AMOT: variants seen among roughly 807,000 people sequenced by gnomAD.
AMOT encodes the protein angiomotin.
AMOT carries 11 observed loss-of-function variants against 67.0 expected under a neutral mutation model. The ratio of observed to expected loss-of-function variants is 0.16; its 90% CI spans 0.10 to 0.27. AMOT has a LOEUF of 0.27. AMOT is among the 10% of genes least tolerant of loss of function. The pLI is 1.00. For synonymous variants in AMOT, 326 were observed against 321.4 expected (o/e 1.01, Z -0.15); for missense variants, 753 against 852.0 (o/e 0.88, Z 1.45).
Position 112,822,689 on chromosome X carries a change from G to A in AMOT, c.438C>T (p.Arg146=). The change falls in exon 4 of 14, where the codon CGC becomes CGT. Residue 146 remains arginine, a synonymous_variant. Transcript: ENST00000371959. Reference sequence around the variant, plus strand: ...CAGGATTGAGCCGCTGAACTGATGGGCGTCCCTCAGTCCTCATCTTCTGGT... The same window carrying A: ...CAGGATTGAGCCGCTGAACTGATGGACGTCCCTCAGTCCTCATCTTCTGGT... ...VTNQKMRTEG[R]PSVQRLNPGK... is the part of the protein sequence containing the mutation. The A allele has an allele frequency of 3.4e-6, 4 of 1,165,988 alleles. No individual in the cohort carries two copies. The highest frequency in any genetic ancestry group is 4.6e-6 in the Non-Finnish European group (4 of 872,700).
In AMOT at chrX:112,806,358, C is replaced by CGTGT. The variant is rs201848560; in HGVS notation, c.1631-1270_1631-1267dup. Among the ~76,000 whole-genome samples, 666 of 97,019 alleles carry CGTGT rather than the reference C, an allele frequency of 6.9e-3. 4 individuals are homozygous for CGTGT. Among genetic ancestry groups the CGTGT allele is most frequent in the African/African-American group, 0.026 (642 of 24,960 alleles). 84.2% of individuals were successfully genotyped at this position (97,019 alleles called of 115,157 possible). On this transcript the variant is annotated intron_variant, in intron 7 of 13. Coordinates refer to ENST00000371959, the MANE Select transcript of AMOT (RefSeq NM_001113490.2). ...TATGTATATATACATATGTATAAAA[C>CGTGT]GTGTGTGTATATATATATATATATA... is the stretch of plus-strand genomic sequence containing the variant.
At chrX:112,782,443 G>A in intron 11 of AMOT, 97 bp downstream of exon 11, 4 of 1,111,952 alleles carry the variant, frequency 3.6e-6, no homozygotes, top group Non-Finnish European at 3.7e-6. Context: ...GTGGAGCGGG[G>A]AGGCTGCATG....
intron 4 of AMOT, 136 bp downstream of exon 4, chrX:112,822,119 C>G (rs772887322): frequency 6.3e-5 from 52 of 824,784 alleles, no homozygotes; most frequent in African/African-American, 2.3e-4. Flanking sequence ...AGGCAATTCA[C>G]GAAGCCAGAG....
chrX:112,814,020 C>T (rs1485158080), intron 5 of AMOT, among the ~76,000 whole-genome samples: 3 of 111,844 alleles, frequency 2.7e-5, no homozygotes, highest in African/African-American at 9.8e-5. Flanking sequence ...CGCCTATAAT[C>T]CCAGCACTTT....
intron 12 of AMOT, chrX:112,780,614 A>T: frequency 5.2e-6 from 2 of 381,142 alleles, no homozygotes; most frequent in South Asian, 1.4e-4. Context: ...TTTAGAGGAA[A>T]TTAGAGTTAT....
At chrX:112,816,073 T>C (rs374107012) in intron 4 of AMOT, among the ~76,000 whole-genome samples, 196 bp from the exon 5 acceptor site, 12 of 110,868 alleles carry the variant, frequency 1.1e-4, no homozygotes, top group African/African-American at 3.9e-4. Flanking sequence ...TTTTCCAGCC[T>C]GACCTTCTGT....
chrX:112,788,085 C>G (rs192326824), intron 10 of AMOT, among the ~76,000 whole-genome samples: 34 of 110,382 alleles, frequency 3.1e-4, no homozygotes, highest in African/African-American at 1.1e-3. Context: ...GTCAGGAGAT[C>G]AAGACCATCC....
At chrX:112,824,424 C>T (rs73636631) in intron 3 of AMOT, among the ~76,000 whole-genome samples, 4,550 of 111,869 alleles carry the variant, frequency 0.041, 226 homozygotes, top group African/African-American at 0.14. Flanking sequence ...GGATCCCTGG[C>T]TCCCAGGCTC....
chrX:112,800,327 T>C (rs1391440101), intron 8 of AMOT, among the ~76,000 whole-genome samples: 1 of 111,874 alleles, frequency 8.9e-6, no homozygotes, highest in East Asian at 2.8e-4. Flanking sequence ...GAGATAAATA[T>C]GGAGAATGTC....
chrX:112,832,994 C>T (rs1199412099), intron 1 of AMOT, among the ~76,000 whole-genome samples: 1 of 112,046 alleles, frequency 8.9e-6, no homozygotes, highest in Non-Finnish European at 1.9e-5. Context: ...GCCTGAGGTG[C>T]CACTGCAGAA....
intron 4 of AMOT, among the ~76,000 whole-genome samples, chrX:112,820,832 G>A (rs747492586): frequency 1.8e-5 from 2 of 110,786 alleles, no homozygotes; most frequent in East Asian, 5.7e-4. Context: ...TTTTAAACCT[G>A]AGTAGCCTTG....
In AMOT at chrX:112,782,597, T is replaced by C. The variant is rs1199676033; in HGVS notation, c.2183A>G (p.Gln728Arg). 8.3e-7 allele frequency: 1 copy of C among 1,211,789 alleles called. No homozygotes were observed. The highest frequency in any genetic ancestry group is 3.0e-5 in the East Asian group (1 of 33,837). Residue 728 changes from glutamine (Q) to arginine (R), a missense_variant, in exon 11 of 14, where the codon CAG becomes CGG. By Grantham distance (43) the Gln-to-Arg change is conservative. Transcript: ENST00000371959. ...SYDTALEARI[Q>R]KEEEEILMAN... ...CATCAAGATTTCTTCCTCCTCTTTC[T>C]GGATGCGAGCTTCTAGAGCTGTGTC...
chrX:112,817,097 G>A (rs1464453664), intron 4 of AMOT, among the ~76,000 whole-genome samples: 1 of 111,780 alleles, frequency 8.9e-6, no homozygotes, highest in African/African-American at 3.3e-5. Context: ...TTCTACAGTT[G>A]ATATTTCTCA....
chrX:112,815,593 T>G lies in AMOT; in HGVS notation c.1157A>C (p.His386Pro). 8.3e-7 allele frequency: 1 copy of G among 1,209,513 alleles called. No homozygotes were observed. Among genetic ancestry groups the G allele is most frequent in the Non-Finnish European group, 1.1e-6 (1 of 894,301 alleles). The change falls in exon 5 of 14, where the codon CAT (histidine) becomes CCT (proline). Residue 386 changes from histidine (H) to proline (P), a missense_variant. By Grantham distance (77) the His-to-Pro change is moderately conservative. This residue lies in a region of AMOT where 297 missense variants were observed against 284.3 expected (regional missense o/e 1.04). Coordinates refer to ENST00000371959, the MANE Select transcript of AMOT (RefSeq NM_001113490.2). Reference sequence around the variant, plus strand: ...CTGTTGTTGGTGGTGATGGTGATGATGGTGCTGCTGCTGCTGTTGCTGCTG... The same window carrying G: ...CTGTTGTTGGTGGTGATGGTGATGAGGGTGCTGCTGCTGCTGTTGCTGCTG... ...QQQQQQQQQHHHHHHHQQQQQ... is the reference protein window; with the variant it reads ...QQQQQQQQQHPHHHHHQQQQQ...
At position 112,805,039 on chromosome X, in the gene AMOT, G is replaced by A. The variant is rs758084009; in HGVS notation, c.1684C>T (p.Arg562Cys). ...EKLEAELATA[R>C]STNEDQRRHI... ...CGTCTTTGGTCCTCATTGGTAGAAC[G>A]GGCAGTGGCCAGCTCCGCTTCCAGC... The change falls in exon 8 of 14, where the codon CGT becomes TGT. Residue 562 changes from arginine (R) to cysteine (C), a missense_variant. Around this residue, in one of 5 missense-constraint regions of AMOT, gnomAD observed 66 missense variants for 112.9 expected, o/e 0.58. Transcript: ENST00000371959. 1.9e-5 allele frequency: 23 copies of A among 1,209,288 alleles called. No individual in the cohort carries two copies. The highest frequency in any genetic ancestry group is 8.8e-5 in the African/African-American group (5 of 56,926).
rs528738470 is a variant in AMOT, at chrX:112,799,998, C to T, written c.1776+4949G>A. Among the ~76,000 whole-genome samples, 20 of 111,420 alleles carry T rather than the reference C, an allele frequency of 1.8e-4. No individual in the cohort carries two copies. The South Asian group carries it at 5.4e-3, about 30-fold the overall frequency. On this transcript the variant is annotated intron_variant, in intron 8 of 13. Transcript: ENST00000371959. The stretch of plus-strand genomic sequence containing the variant: ...CTGTAATCCCAGCACTTTGGGAGGC[C>T]GAGGCGGGTGGATCACTTGAAGTCA...
rs180687453 is a variant in AMOT, at chrX:112,822,691, G to A, written c.436C>T (p.Arg146Cys). The change falls in exon 4 of 14, where the codon CGC becomes TGC. Residue 146 changes from arginine (R) to cysteine (C), a missense_variant. Physicochemically the swap from Arg to Cys is radical, Grantham distance 180. Around this residue, in one of 5 missense-constraint regions of AMOT, gnomAD observed 118 missense variants for 125.9 expected, o/e 0.94. Coordinates refer to ENST00000371959, the MANE Select transcript of AMOT (RefSeq NM_001113490.2). ...GGATTGAGCCGCTGAACTGATGGGC[G>A]TCCCTCAGTCCTCATCTTCTGGTTG... ...VTNQKMRTEG[R>C]PSVQRLNPGK... 11 of 1,164,041 alleles carry A rather than the reference G, an allele frequency of 9.4e-6. No individual in the cohort carries two copies. Among genetic ancestry groups the A allele is most frequent in the East Asian group, 6.5e-5 (2 of 30,652 alleles).
intron 1 of AMOT, among the ~76,000 whole-genome samples, chrX:112,833,709 T>C (rs1189931424): frequency 7.1e-5 from 8 of 111,981 alleles, no homozygotes; most frequent in African/African-American, 2.6e-4. Flanking sequence ...TAGCCCATGA[T>C]CCAGAAAGCA....
In AMOT at chrX:112,838,417, A is replaced by G. The variant is rs183862876; in HGVS notation, c.-289+2035T>C. Among the ~76,000 whole-genome samples the G allele has an allele frequency of 2.7e-4, 30 of 112,108 alleles. 1 individual carries two copies. The highest frequency in any genetic ancestry group is 1.8e-3 in the Admixed American group (19 of 10,599). On this transcript the variant is annotated intron_variant, in intron 1 of 13. Coordinates refer to ENST00000371959, the MANE Select transcript of AMOT (RefSeq NM_001113490.2). Reference sequence around the variant, plus strand: ...GGCCCTGGGAGAGGGCTCTTGGGAGAGGCACAGAAGCAGATGTACCCACTT... The same window carrying G: ...GGCCCTGGGAGAGGGCTCTTGGGAGGGGCACAGAAGCAGATGTACCCACTT...
Sources: gnomAD v4.1 joint callset for allele counts (sites outside exome capture counted in the v4.1 genomes callset) on GRCh38, gnomAD v4.1.1 for gene constraint, gnomAD v4.1.1 regional missense constraint, MANE v1.5 for transcripts, NCBI Gene and HGNC (gene_info 2026-07-23, HGNC 2026-07-21) for gene names.